RALYL: variants seen among roughly 807,000 people sequenced by gnomAD.
RALYL encodes RALY RNA binding protein like, also known as RNA-binding Raly-like protein.
RALYL carries 29 observed loss-of-function variants against 35.1 expected under a neutral mutation model. The observed-to-expected ratio is 0.83, with a 90% CI of 0.61 to 1.13. The LOEUF is 1.13. Among genes scored for constraint, RALYL ranks in the 50% most tolerant of loss-of-function variants. RALYL has a pLI of 0.00. For synonymous variants in RALYL, 120 were observed against 127.6 expected, an observed-to-expected ratio of 0.94 and a Z score of 0.40; for missense variants, 359 against 360.4, an observed-to-expected ratio of 1.00 and a Z score of 0.03.
chr8:84,837,856 C>A (rs1832344366), intron 4 of RALYL, among the ~76,000 whole-genome samples: 1 of 152,144 alleles, frequency 6.6e-6, no homozygotes, highest in South Asian at 2.1e-4. Flanking sequence ...TTTCATTTTT[C>A]TAGAAGGTCA....
intron 2 of RALYL, among the ~76,000 whole-genome samples, chr8:84,607,920 G>GTT (rs796464854): frequency 6.2e-5 from 9 of 144,222 alleles, no homozygotes; most frequent in African/African-American, 2.0e-4. Context: ...AAGCATCTAG[G>GTT]TTTTTTTTTT....
intron 1 of RALYL, among the ~76,000 whole-genome samples, chr8:84,439,160 A>G (rs2048065018): frequency 6.6e-6 from 1 of 152,062 alleles, no homozygotes; most frequent in Non-Finnish European, 1.5e-5. Flanking sequence ...TGTTGAATCC[A>G]TAGATTGCTT....
chr8:84,628,566 A>G (rs1168186646), intron 2 of RALYL, among the ~76,000 whole-genome samples: 1 of 152,148 alleles, frequency 6.6e-6, no homozygotes, highest in African/African-American at 2.4e-5. Flanking sequence ...ATATTTTTAC[A>G]TCAACTCATG....
At chr8:84,379,914 G>C (rs889101580) in intron 1 of RALYL, among the ~76,000 whole-genome samples, 1 of 151,018 alleles carries the variant, frequency 6.6e-6, no homozygotes, top group Non-Finnish European at 1.5e-5. Flanking sequence ...AAAATATGCT[G>C]TTTTAATACT....
At chr8:84,571,033 G>A (rs1588249883) in intron 2 of RALYL, among the ~76,000 whole-genome samples, 1 of 151,434 alleles carries the variant, frequency 6.6e-6, no homozygotes, top group African/African-American at 2.4e-5. Context: ...ATATTGGCCT[G>A]TAGTTCTGTT....
intron 1 of RALYL, among the ~76,000 whole-genome samples, chr8:84,359,861 A>G (rs188269597): frequency 8.6e-5 from 13 of 151,748 alleles, no homozygotes; most frequent in African/African-American, 3.1e-4. Context: ...TGAAAATGAA[A>G]TACAATTAAA....
At chr8:84,672,074 A>T (rs1015531631) in intron 2 of RALYL, among the ~76,000 whole-genome samples, 1 of 152,228 alleles carries the variant, frequency 6.6e-6, no homozygotes, top group African/African-American at 2.4e-5. Context: ...CACCCAAGTC[A>T]CATCTCTAAT....
At chr8:84,562,025 C>T (rs552653570) in intron 2 of RALYL, among the ~76,000 whole-genome samples, 1 of 151,960 alleles carries the variant, frequency 6.6e-6, no homozygotes, top group South Asian at 2.1e-4. Flanking sequence ...TTTTTTCCTA[C>T]TGTCATTTCA....
intron 2 of RALYL, among the ~76,000 whole-genome samples, chr8:84,716,351 C>A (rs1157620284): frequency 6.6e-6 from 1 of 151,986 alleles, no homozygotes; most frequent in African/African-American, 2.4e-5. Flanking sequence ...AATTTATAGT[C>A]TCAGTAATTA....
At chr8:84,388,710 T>G (rs1021305124) in intron 1 of RALYL, among the ~76,000 whole-genome samples, 1 of 152,118 alleles carries the variant, frequency 6.6e-6, no homozygotes, top group Non-Finnish European at 1.5e-5. Flanking sequence ...TCTTGTAAAT[T>G]TGTTTGAGTT....
chr8:84,498,161 C>T (rs371092203), intron 1 of RALYL, among the ~76,000 whole-genome samples: 7 of 152,038 alleles, frequency 4.6e-5, no homozygotes, highest in African/African-American at 1.7e-4. Flanking sequence ...CCAAGAGCCA[C>T]ATGCTTACCA....
chr8:84,569,760 T>C (rs1192966471), intron 2 of RALYL, among the ~76,000 whole-genome samples: 1 of 151,928 alleles, frequency 6.6e-6, no homozygotes, highest in African/African-American at 2.4e-5. Flanking sequence ...AGTTGATTTT[T>C]ATATATGATG....
intron 2 of RALYL, among the ~76,000 whole-genome samples, chr8:84,619,612 A>T (rs1232648312): frequency 2.0e-5 from 3 of 147,464 alleles, no homozygotes; most frequent in African/African-American, 7.7e-5. Flanking sequence ...TAATATTGTT[A>T]TGTGTGAATT....
At chr8:84,502,786 G>A (rs973819730) in intron 1 of RALYL, among the ~76,000 whole-genome samples, 4 of 151,648 alleles carry the variant, frequency 2.6e-5, no homozygotes, top group Non-Finnish European at 4.4e-5. Context: ...GAATTTCATC[G>A]AGTATTGTAA....
chr8:84,878,957 G>A (rs28605588), intron 7 of RALYL, among the ~76,000 whole-genome samples: 2,237 of 152,166 alleles, frequency 0.015, 39 homozygotes, highest in African/African-American at 0.051. Context: ...CAGCCTAATG[G>A]CCTTCCAATT....
intron 1 of RALYL, among the ~76,000 whole-genome samples, chr8:84,245,036 T>C (rs189039557): frequency 1.3e-4 from 20 of 152,294 alleles, no homozygotes; most frequent in Admixed American, 1.3e-3. Context: ...CTCAGGTGGA[T>C]ACTGCACATA....
chr8:84,495,213 AT>A (rs2055870319), intron 1 of RALYL, among the ~76,000 whole-genome samples: 1 of 152,096 alleles, frequency 6.6e-6, no homozygotes, highest in Non-Finnish European at 1.5e-5. Context: ...CCATTTCAGC[AT>A]CATCTTTGAA....
At chr8:84,790,562 A>G (rs890699070) in intron 3 of RALYL, among the ~76,000 whole-genome samples, 1 of 152,214 alleles carries the variant, frequency 6.6e-6, no homozygotes, top group Non-Finnish European at 1.5e-5. Context: ...TCATCAATTA[A>G]CTATTAAGCA....
chr8:84,702,266 A>G (rs1267004497), intron 2 of RALYL, among the ~76,000 whole-genome samples: 1 of 152,144 alleles, frequency 6.6e-6, no homozygotes, highest in Non-Finnish European at 1.5e-5. Flanking sequence ...GTGACACCAT[A>G]GAGCCCTTTT....
Sources: allele counts gnomAD v4.1 joint callset (sites outside exome capture counted in the v4.1 genomes callset), GRCh38; gene constraint gnomAD v4.1.1; transcripts MANE v1.5; gene names NCBI Gene and HGNC (gene_info 2026-07-23, HGNC 2026-07-21).